Variants in PPP3R1 observed in about 807,000 individuals in gnomAD.
The protein encoded by PPP3R1 is protein phosphatase 3 regulatory subunit B, alpha.
Under a neutral mutation model 22.6 loss-of-function variants are expected in PPP3R1, and 5 were observed. That is an observed-to-expected ratio of 0.22 (90% CI 0.12 to 0.46). PPP3R1 has a LOEUF of 0.46. Ranked by LOEUF, PPP3R1 falls within the 20% of genes least tolerant of loss-of-function variation. The probability of loss-of-function intolerance (pLI) is 0.99; values close to 1 mark genes in which losing one functional copy is unlikely to be tolerated. For missense variants in PPP3R1, 61 were observed against 203.2 expected (o/e 0.30, Z 4.25); for synonymous variants, 56 against 65.2 (o/e 0.86, Z 0.68).
chr2:68,186,622 T>C lies in PPP3R1; in HGVS notation c.311A>G (p.Asp104Gly). Residue 104 changes from aspartate (D) to glycine (G), a missense_variant, in exon 5 of 6, where the codon GAT becomes GGT. Coordinates refer to ENST00000234310, the MANE Select transcript of PPP3R1 (RefSeq NM_000945.4). ...FAFRIYDMDK[D>G]GYISNGELFQ... ...GAGTTCCCCATTGGAAATATAGCCA[T>C]CTTTATCCATGTCATAGATACGGAA... The C allele has an allele frequency of 6.2e-7, 1 of 1,612,294 alleles. No individual in the cohort carries two copies. Among genetic ancestry groups the C allele is most frequent in the Non-Finnish European group, 8.5e-7 (1 of 1,179,098 alleles).
chr2:68,205,360 A>G (rs528517945), intron 2 of PPP3R1, among the ~76,000 whole-genome samples: 3 of 148,964 alleles, frequency 2.0e-5, no homozygotes, highest in African/African-American at 7.4e-5. Context: ...CTCCTGCCTC[A>G]GCCTCCCAAG....
chr2:68,202,792 ATTTTTTTTTTTTTTTTT>A (rs71395958), intron 2 of PPP3R1, among the ~76,000 whole-genome samples: 4 of 81,228 alleles, frequency 4.9e-5, no homozygotes, highest in African/African-American at 2.5e-4. Flanking sequence ...AGTTCAGGGA[ATTTTTTTTTTTTTTTTT>A]TTTTTTTTTT....
chr2:68,250,046 TAC>T (rs997873619), intron 1 of PPP3R1, among the ~76,000 whole-genome samples: 3 of 152,156 alleles, frequency 2.0e-5, no homozygotes, highest in Non-Finnish European at 4.4e-5. Flanking sequence ...ATGGTCTTGA[TAC>T]TTTCAAACCA....
intron 5 of PPP3R1, among the ~76,000 whole-genome samples, chr2:68,184,124 G>C (rs1485850927): frequency 6.6e-6 from 1 of 152,184 alleles, no homozygotes; most frequent in African/African-American, 2.4e-5. Flanking sequence ...TCTTGATAGG[G>C]TGCAGGAGAG....
intron 1 of PPP3R1, among the ~76,000 whole-genome samples, chr2:68,232,701 G>A (rs1669942593): frequency 6.6e-6 from 1 of 151,976 alleles, no homozygotes; most frequent in Admixed American, 6.5e-5. Context: ...CCACCTCACA[G>A]GTTCAAGCAA....
intron 5 of PPP3R1, among the ~76,000 whole-genome samples, chr2:68,184,474 G>C (rs1259812465): frequency 1.3e-5 from 2 of 152,028 alleles, no homozygotes; most frequent in Non-Finnish European, 2.9e-5. Flanking sequence ...CATTTTATTG[G>C]AGTTTGGGGA....
chr2:68,251,348 G>A lies in PPP3R1; in HGVS notation c.3+777C>T, dbSNP rs929136040. On this transcript the variant is annotated intron_variant, in intron 1 of 5. Transcript: ENST00000234310. ...CATGATTCAAAAACAACCACTCCAA[G>A]AGAGAGACACAAGAAGGTACCAAAG... Among the ~76,000 whole-genome samples the A allele has an allele frequency of 1.2e-4, 18 of 152,160 alleles. 1 individual carries two copies. The highest frequency in any genetic ancestry group is 3.3e-4 in the Admixed American group (5 of 15,272).
At chr2:68,198,332 CATATATGTACATGTAT>C (rs1674863360) in intron 2 of PPP3R1, among the ~76,000 whole-genome samples, 1 of 65,546 alleles carries the variant, frequency 1.5e-5, no homozygotes, top group African/African-American at 7.4e-5. Context: ...TACATATGTA[CATATATGTACATGTAT>C]ATGCATATAT....
rs369757689 is a variant in PPP3R1 at position 68,194,519 on chromosome 2, T to C, written c.44-5829A>G. On this transcript the variant is annotated intron_variant, in intron 2 of 5. Coordinates refer to ENST00000234310, the MANE Select transcript of PPP3R1 (RefSeq NM_000945.4). ...AAGGTTACATATTCATTCATCACAC[T>C]TTCAGATGATGAAACATAAATCATC... Among the ~76,000 whole-genome samples the C allele has an allele frequency of 4.6e-5, 7 of 152,204 alleles. No homozygotes were observed. The East Asian group carries it at 9.6e-4, about 21-fold the overall frequency.
intron 5 of PPP3R1, among the ~76,000 whole-genome samples, chr2:68,184,424 T>C (rs181444815): frequency 3.3e-5 from 5 of 152,270 alleles, no homozygotes; most frequent in Non-Finnish European, 7.4e-5. Context: ...CTGCTCTTCA[T>C]TTTTGTCCTT....
At chr2:68,215,399 C>T (rs1314092923) in intron 2 of PPP3R1, among the ~76,000 whole-genome samples, 1 of 152,110 alleles carries the variant, frequency 6.6e-6, no homozygotes, top group Non-Finnish European at 1.5e-5. Context: ...CCTGTATTCC[C>T]TGTCCATAAG....
chr2:68,214,149 T>C (rs780761249), intron 2 of PPP3R1, among the ~76,000 whole-genome samples: 30 of 152,230 alleles, frequency 2.0e-4, no homozygotes, highest in Non-Finnish European at 3.5e-4. Flanking sequence ...TCAAGGTAGA[T>C]TAAAGACTTA....
At chr2:68,241,843 C>CAAAA (rs35587118) in intron 1 of PPP3R1, among the ~76,000 whole-genome samples, 2 of 92,708 alleles carry the variant, frequency 2.2e-5, no homozygotes, top group South Asian at 7.4e-4. Context: ...GACTCCATCT[C>CAAAA]AAAAAAAAAA....
rs1188244239 is a variant in PPP3R1 at position 68,235,940 on chromosome 2, T to C, written c.3+16185A>G. On this transcript the variant is annotated intron_variant, in intron 1 of 5. Transcript: ENST00000234310. ...TGATTTGCAATTCTCTAATGACTAA[T>C]GATGTTGAGCATCTTTGCATGCACT... Among the ~76,000 whole-genome samples the C allele has an allele frequency of 2.6e-5, 4 of 152,344 alleles. No homozygotes were observed. In the East Asian group the frequency reaches 5.8e-4, roughly 22 times the overall value.
chr2:68,210,608 T>C (rs1293007219), intron 2 of PPP3R1, among the ~76,000 whole-genome samples: 2 of 152,206 alleles, frequency 1.3e-5, no homozygotes, highest in East Asian at 3.8e-4. Flanking sequence ...AATTATATTT[T>C]TCGAGGGTTC....
At chr2:68,239,364 T>G (rs1670075145) in intron 1 of PPP3R1, among the ~76,000 whole-genome samples, 1 of 152,168 alleles carries the variant, frequency 6.6e-6, no homozygotes, top group Admixed American at 6.6e-5. Context: ...ATATATGAAG[T>G]GCCACTGAAA....
intron 1 of PPP3R1, among the ~76,000 whole-genome samples, chr2:68,246,127 T>C (rs1053818229): frequency 1.9e-4 from 25 of 134,526 alleles, no homozygotes; most frequent in Admixed American, 4.4e-4. Flanking sequence ...CAAGCTGGAG[T>C]GCACTGGTAC....
intron 2 of PPP3R1, among the ~76,000 whole-genome samples, chr2:68,199,536 C>T (rs1226880383): frequency 6.6e-6 from 1 of 152,086 alleles, no homozygotes; most frequent in Non-Finnish European, 1.5e-5. Flanking sequence ...TTTTCTTCCC[C>T]AATCTTAGGT....
chr2:68,188,116 G>A (rs765001635), intron 3 of PPP3R1, among the ~76,000 whole-genome samples: 32 of 152,184 alleles, frequency 2.1e-4, no homozygotes, highest in Non-Finnish European at 2.9e-5. Flanking sequence ...GCTGCAGTGA[G>A]CCGAGATTAT....
Sources: gnomAD v4.1 joint callset for allele counts (sites outside exome capture counted in the v4.1 genomes callset) on GRCh38, gnomAD v4.1.1 for gene constraint, MANE v1.5 for transcripts, NCBI Gene and HGNC (gene_info 2026-07-23, HGNC 2026-07-21) for gene names.